METTL16: variants seen among roughly 807,000 people sequenced by gnomAD.
The protein encoded by METTL16 is RNA N(6)-adenosine-methyltransferase METTL16.
A neutral mutation model predicts 57.9 loss-of-function variants in METTL16; 19 were observed. That is an observed-to-expected ratio of 0.33 (90% CI 0.23 to 0.48). The LOEUF is 0.48. Among genes scored for constraint, METTL16 ranks in the 20% least tolerant of loss-of-function variants. The pLI is 0.99. For synonymous variants in METTL16, 246 were observed against 255.6 expected (o/e 0.96, Z 0.36); for missense variants, 434 against 691.5 (o/e 0.63, Z 4.18).
At chr17:2,507,555 G>A (rs1371931303) in intron 1 of METTL16, among the ~76,000 whole-genome samples, 5 of 149,708 alleles carry the variant, frequency 3.3e-5, no homozygotes, top group East Asian at 4.1e-4. Context: ...GGTGAGGGGC[G>A]CCTCTGCCCG....
chr17:2,487,004 A>G (rs987296478), intron 2 of METTL16, among the ~76,000 whole-genome samples: 3 of 25,096 alleles, frequency 1.2e-4, no homozygotes, highest in Admixed American at 4.5e-4. Context: ...ATCCTGTCTC[A>G]AAAAAAAAAA....
chr17:2,456,667 CTA>C (rs2067112950), intron 6 of METTL16, among the ~76,000 whole-genome samples: 3 of 152,140 alleles, frequency 2.0e-5, no homozygotes, highest in South Asian at 4.1e-4. Context: ...CAGAGTCTTG[CTA>C]TGTTGCCCAG....
intron 6 of METTL16, among the ~76,000 whole-genome samples, chr17:2,447,791 CGGGA>C (rs2067019583): frequency 1.7e-5 from 2 of 118,544 alleles, no homozygotes; most frequent in African/African-American, 3.7e-5. Context: ...CCGCCCCGTC[CGGGA>C]GGGAGGTGGG....
At chr17:2,483,182 C>T (rs2067319033) in intron 2 of METTL16, among the ~76,000 whole-genome samples, 1 of 151,926 alleles carries the variant, frequency 6.6e-6, no homozygotes, top group Non-Finnish European at 1.5e-5. Context: ...ACAAAATGAT[C>T]CAAAGGTTGA....
At chr17:2,443,493 T>TC (rs1652437639) in intron 6 of METTL16, among the ~76,000 whole-genome samples, 1 of 150,604 alleles carries the variant, frequency 6.6e-6, no homozygotes. Context: ...TCATTTCTTT[T>TC]TTTTTTTTTT....
chr17:2,424,935 G>A (rs998371259), intron 8 of METTL16, among the ~76,000 whole-genome samples: 7 of 150,654 alleles, frequency 4.6e-5, no homozygotes, highest in East Asian at 2.0e-4. Flanking sequence ...GTGACAGAGC[G>A]AGACTCCGTC....
chr17:2,440,187 T>C (rs558363977), intron 7 of METTL16, among the ~76,000 whole-genome samples: 176 of 152,140 alleles, frequency 1.2e-3, no homozygotes, highest in Non-Finnish European at 1.7e-3. Flanking sequence ...AGCCTAGATG[T>C]TTGAGGTTGC....
chr17:2,440,994 A>AAAGAAG (rs56938960), intron 7 of METTL16, among the ~76,000 whole-genome samples: 7 of 118,916 alleles, frequency 5.9e-5, no homozygotes, highest in South Asian at 2.8e-4. Flanking sequence ...AAAAAAAAAA[A>AAAGAAG]AAGAAGAAGA....
chr17:2,501,750 C>T lies in METTL16; in HGVS notation c.128+454G>A, dbSNP rs572494674. On this transcript the variant is annotated intron_variant, in intron 2 of 9. Coordinates refer to ENST00000263092, the MANE Select transcript of METTL16 (RefSeq NM_024086.4). ...GCGGGCGCCTGTAATCCCAGCTACT[C>T]AGGAGGCTGAGGCAGGAGAATCACT... is the stretch of plus-strand genomic sequence containing the variant. Among the ~76,000 whole-genome samples the T allele has an allele frequency of 4.6e-5, 7 of 151,788 alleles. No individual in the cohort carries two copies. In the East Asian group the frequency reaches 1.4e-3, roughly 29 times the overall value.
intron 4 of METTL16, among the ~76,000 whole-genome samples, chr17:2,471,225 G>A (rs1235025794): frequency 6.6e-6 from 1 of 152,180 alleles, no homozygotes; most frequent in African/African-American, 2.4e-5. Flanking sequence ...AGGCTGGGGT[G>A]CAGCGTCGCA....
At chr17:2,475,169 A>C (rs1027240040) in intron 3 of METTL16, 3 of 152,144 alleles carry the variant, frequency 2.0e-5, no homozygotes, top group African/African-American at 7.2e-5. Context: ...CGCATCCTGA[A>C]CAGGCTAGTA....
chr17:2,507,437 C>T (rs532588634), intron 1 of METTL16, among the ~76,000 whole-genome samples: 8 of 150,178 alleles, frequency 5.3e-5, no homozygotes, highest in African/African-American at 9.8e-5. Context: ...TGCCTCTGCC[C>T]GGCCGCCCCT....
intron 1 of METTL16, among the ~76,000 whole-genome samples, chr17:2,508,934 A>G (rs562878719): frequency 6.6e-6 from 1 of 152,068 alleles, no homozygotes; most frequent in African/African-American, 2.4e-5. Context: ...ACCATCTCCT[A>G]TTCTTACTGC....
chr17:2,490,986 G>A (rs1410193589), intron 2 of METTL16, among the ~76,000 whole-genome samples: 1 of 152,186 alleles, frequency 6.6e-6, no homozygotes, highest in Non-Finnish European at 1.5e-5. Context: ...AGAGCTGATT[G>A]TTAGACTTTG....
In METTL16 at chr17:2,420,686, A is replaced by C; in HGVS notation, c.1062+45T>G. 6.4e-7 allele frequency: 1 copy of C among 1,566,450 alleles called. No individual in the cohort carries two copies. On this transcript the variant is annotated intron_variant, in intron 9 of 9. Coordinates refer to ENST00000263092, the MANE Select transcript of METTL16 (RefSeq NM_024086.4). The surrounding 1 kb of genome is among the most constrained non-coding windows in gnomAD (Gnocchi z 5.4). ...AAAAAAAAAAGAAAAAAGAAAAAAG[A>C]GAAGGATCATTATGAGTACTTCGTC... is the stretch of plus-strand genomic sequence containing the variant.
intron 2 of METTL16, among the ~76,000 whole-genome samples, chr17:2,496,486 A>C (rs1287414968): frequency 6.6e-6 from 1 of 151,616 alleles, no homozygotes; most frequent in East Asian, 1.9e-4. Flanking sequence ...AAAAATTTCT[A>C]TACTTTTCAA....
At chr17:2,430,870 A>G (rs868082223) in intron 8 of METTL16, among the ~76,000 whole-genome samples, 8 of 151,914 alleles carry the variant, frequency 5.3e-5, no homozygotes, top group South Asian at 2.1e-4. Context: ...CAGTATCCCA[A>G]TTTCTATCAC....
chr17:2,489,421 G>A (rs1049590563), intron 2 of METTL16, among the ~76,000 whole-genome samples: 1 of 152,060 alleles, frequency 6.6e-6, no homozygotes, highest in Non-Finnish European at 1.5e-5. Context: ...TTGGTAGGCC[G>A]AGGCAGGCAG....
intron 6 of METTL16, among the ~76,000 whole-genome samples, chr17:2,454,918 A>G (rs2067097966): frequency 6.6e-6 from 1 of 151,232 alleles, no homozygotes; most frequent in Non-Finnish European, 1.5e-5. Context: ...TTGTTATCCT[A>G]TTTATTTATT....
Sources: allele counts gnomAD v4.1 joint callset (sites outside exome capture counted in the v4.1 genomes callset), GRCh38; gene constraint gnomAD v4.1.1; non-coding constraint Gnocchi (gnomAD v3.1); transcripts MANE v1.5; gene names NCBI Gene and HGNC (gene_info 2026-07-23, HGNC 2026-07-21).